LAMC1: variants seen among roughly 807,000 people sequenced by gnomAD.
The protein encoded by LAMC1 is laminin subunit gamma 1, also known as laminin subunit gamma-1.
In LAMC1, 38 loss-of-function variants were observed where a neutral mutation model predicts 173.6. That is an observed-to-expected ratio of 0.22 (90% confidence interval 0.17 to 0.29). The LOEUF is 0.29. Among genes scored for constraint, LAMC1 ranks in the 10% least tolerant of loss-of-function variants. The pLI is 1.00. For synonymous variants in LAMC1, 746 were observed against 749.1 expected (o/e 1.00, Z 0.07); for missense variants, 1,824 against 2,051.8 (o/e 0.89, Z 2.14).
chr1:183,142,480 G>T (rs1657142397), intron 27 of LAMC1, 54 bp from the exon 28 acceptor site: 3 of 1,532,428 alleles, frequency 2.0e-6, no homozygotes, highest in Non-Finnish European at 2.6e-6. Context: ...CTTGTGAAGG[G>T]ATCATTCTTA....
At position 183,121,773 on chromosome 1, in the gene LAMC1, G is replaced by A. The variant is rs1426448955; in HGVS notation, c.2041G>A (p.Gly681Arg). 3 of 1,614,048 alleles carry A rather than the reference G, an allele frequency of 1.9e-6. No homozygotes were observed. Among genetic ancestry groups the A allele is most frequent in the Non-Finnish European group, 1.7e-6 (2 of 1,180,032 alleles). The change falls in exon 12 of 28, where the codon GGA (glycine) becomes AGA (arginine). Residue 681 changes from glycine (G) to arginine (R), a missense_variant. Physicochemically the swap from Gly to Arg is moderately radical, Grantham distance 125. Transcript: ENST00000258341. ...CCTGGCAAGTGCTCGTCCTGGGCCT[G>A]GAGTCCCTGCAACTTGGGTGGAGTC... ...VTLASARPGPGVPATWVESCT... is the reference protein window; with the variant it reads ...VTLASARPGPRVPATWVESCT...
intron 6 of LAMC1, among the ~76,000 whole-genome samples, 165 bp downstream of exon 6, chr1:183,115,802 G>A (rs533047119): frequency 8.6e-4 from 131 of 152,306 alleles, no homozygotes; most frequent in African/African-American, 3.0e-3. Context: ...GGTTTGGCTT[G>A]TACAGAGAGT....
intron 6 of LAMC1, 32 bp from the exon 7 acceptor site, chr1:183,116,545 T>C: frequency 7.0e-7 from 1 of 1,425,364 alleles, no homozygotes; most frequent in South Asian, 1.2e-5. Context: ...TTCTCCCTTC[T>C]CTGATTGTTT....
At chr1:183,117,809 AT>A in intron 10 of LAMC1, 86 bp downstream of exon 10, 1 of 1,208,006 alleles carries the variant, frequency 8.3e-7, no homozygotes, top group Non-Finnish European at 1.2e-6. Context: ...CTCTAGATGT[AT>A]TTTAAAGAAA....
chr1:183,118,905 AT>A (rs201149199), intron 11 of LAMC1, among the ~76,000 whole-genome samples: 9 of 149,160 alleles, frequency 6.0e-5, no homozygotes, highest in Non-Finnish European at 6.0e-5. Flanking sequence ...AGACTTAAAA[AT>A]TTTTTTTTTT....
Position 183,145,106 on chromosome 1 carries a change from A to C in LAMC1, c.*2316A>C, listed in dbSNP as rs1177111595. ...AGGACTGAAGATTGACTGCCAAGCT[A>C]GTTTGGGTGAAGTTCACTCCAGCAA... is the stretch of plus-strand genomic sequence containing the variant. On this transcript the variant is annotated 3_prime_UTR_variant, in exon 28 of 28. Transcript: ENST00000258341. 2 of 152,166 alleles carry C rather than the reference A, an allele frequency of 1.3e-5. No individual in the cohort carries two copies. Among genetic ancestry groups the C allele is most frequent in the Non-Finnish European group, 2.9e-5 (2 of 68,034 alleles). 9.4% of individuals were successfully genotyped at this position (152,166 alleles called of 1,614,324 possible).
rs569512805 is a variant in LAMC1 at position 183,116,409 on chromosome 1, G to A, written c.1329-168G>A. Among the ~76,000 whole-genome samples, 6 of 152,008 alleles carry A rather than the reference G, an allele frequency of 3.9e-5. No homozygotes were observed. In the South Asian group the frequency reaches 1.2e-3, roughly 32 times the overall value. On this transcript the variant is annotated intron_variant, in intron 6 of 27. Transcript: ENST00000258341. ...GGAGAATCTCTTGAACCCTGGAGGCGGAGGTTGCAGTGAGCTGAGATGGCG... is the reference window on the plus strand; with the variant it reads ...GGAGAATCTCTTGAACCCTGGAGGCAGAGGTTGCAGTGAGCTGAGATGGCG...
chr1:183,136,975 G>A (rs1656962912), intron 25 of LAMC1, among the ~76,000 whole-genome samples: 1 of 152,040 alleles, frequency 6.6e-6, no homozygotes, highest in South Asian at 2.1e-4. Context: ...CCCCTTTCAA[G>A]TATATTGCCA....
chr1:183,145,167 CCTTTTAA>C lies in LAMC1; in HGVS notation c.*2382_*2388del, dbSNP rs1166168373. 6.6e-6 allele frequency: 1 copy of C among 152,232 alleles called. No homozygotes were observed. Among genetic ancestry groups the C allele is most frequent in the Non-Finnish European group, 1.5e-5 (1 of 68,014 alleles). The allele number at this position is 152,232 out of a possible 1,614,324, so 9.4% of individuals were successfully genotyped here. A position where few individuals can be genotyped will look rare whatever the true frequency, so the allele number is the denominator to read the frequency against. ...ACAATGGGGTGGTTTGGTTTGGTTT[CCTTTTAA>C]CTTTCTTTTTGTTATTTGCTTTTCT... On this transcript the variant is annotated 3_prime_UTR_variant, in exon 28 of 28. Transcript: ENST00000258341.
At chr1:183,051,928 G>C (rs996844301) in intron 1 of LAMC1, among the ~76,000 whole-genome samples, 8 of 151,994 alleles carry the variant, frequency 5.3e-5, no homozygotes, top group Non-Finnish European at 1.2e-4. Context: ...CCATCTTCAG[G>C]GTGTTCTCCA....
chr1:183,040,856 A>G (rs1215492173), intron 1 of LAMC1, among the ~76,000 whole-genome samples: 1 of 152,238 alleles, frequency 6.6e-6, no homozygotes, highest in East Asian at 1.9e-4. Flanking sequence ...TGGGAGAGTA[A>G]GAATGTGTGT....
chr1:183,041,034 G>C (rs973525845), intron 1 of LAMC1, among the ~76,000 whole-genome samples: 2 of 152,166 alleles, frequency 1.3e-5, no homozygotes, highest in African/African-American at 2.4e-5. Context: ...CCTTGTTTAT[G>C]TGATAAATGA....
rs917462580 is a variant in LAMC1, at chr1:183,115,509, T to G, written c.1211-11T>G. 13 of 1,596,798 alleles carry G rather than the reference T, an allele frequency of 8.1e-6. No individual in the cohort carries two copies. The highest frequency in any genetic ancestry group is 1.1e-5 in the Non-Finnish European group (13 of 1,164,900). On this transcript the variant is annotated splice_polypyrimidine_tract_variant and intron_variant, in intron 5 of 27. Transcript: ENST00000258341. ...GAATTTTTGTTTGACAATAGGCATT[T>G]TACATTTTAGGCTCTCTAAGCACAC...
chr1:183,077,776 G>GTGTGTGTGTGTGTGTATATATATATA, intron 1 of LAMC1, among the ~76,000 whole-genome samples: 2 of 116,522 alleles, frequency 1.7e-5, no homozygotes, highest in Admixed American at 1.7e-4. Flanking sequence ...TGGCCATTGT[G>GTGTGTGTGTGTGTGTATATATATATA]TATATATATA....
At chr1:183,099,800 G>A (rs1173572555) in intron 1 of LAMC1, among the ~76,000 whole-genome samples, 2 of 152,008 alleles carry the variant, frequency 1.3e-5, no homozygotes, top group African/African-American at 2.4e-5. Flanking sequence ...CTCTTGGCCC[G>A]TCAAACTGCT....
chr1:183,087,625 C>G (rs1655464153), intron 1 of LAMC1, among the ~76,000 whole-genome samples: 1 of 152,138 alleles, frequency 6.6e-6, no homozygotes, highest in Non-Finnish European at 1.5e-5. Context: ...TTATCACATG[C>G]TCATGGCTGA....
In LAMC1 at chr1:183,134,737, C is replaced by T. The variant is rs758793272; in HGVS notation, c.3927C>T (p.Asp1309=). 7 of 1,612,674 alleles carry T rather than the reference C, an allele frequency of 4.3e-6. No individual in the cohort carries two copies. The highest frequency in any genetic ancestry group is 4.0e-5 in the African/African-American group (3 of 74,878). The change falls in exon 23 of 28, where the codon GAC becomes GAT. Residue 1309 remains aspartate (D), a synonymous_variant. Coordinates refer to ENST00000258341, the MANE Select transcript of LAMC1 (RefSeq NM_002293.4). ...ACCAGAAATTAAAAGATTATGAGGACCTCAGAGAAGATATGAGAGGGAAGG... is the reference window on the plus strand; with the variant it reads ...ACCAGAAATTAAAAGATTATGAGGATCTCAGAGAAGATATGAGAGGGAAGG... ...LIDQKLKDYE[D]LREDMRGKEL... is the part of the protein sequence containing the mutation.
chr1:183,141,858 A>G (rs1311692024), intron 27 of LAMC1, among the ~76,000 whole-genome samples: 1 of 152,226 alleles, frequency 6.6e-6, no homozygotes, highest in Non-Finnish European at 1.5e-5. Flanking sequence ...ACTGATGTAA[A>G]ATGGTCTTGT....
At chr1:183,078,122 G>A (rs1655167939) in intron 1 of LAMC1, among the ~76,000 whole-genome samples, 1 of 152,122 alleles carries the variant, frequency 6.6e-6, no homozygotes, top group Non-Finnish European at 1.5e-5. Flanking sequence ...GACTAGTTAT[G>A]TATCCTGTTG....
Sources: gnomAD v4.1 joint callset for allele counts (sites outside exome capture counted in the v4.1 genomes callset) on GRCh38, gnomAD v4.1.1 for gene constraint, MANE v1.5 for transcripts, NCBI Gene and HGNC (gene_info 2026-07-23, HGNC 2026-07-21) for gene names.